The following AKT3 variants were observed in gnomAD, a reference collection of about 807,000 sequenced individuals.
AKT3 encodes AKT serine/threonine kinase 3, also known as RAC-gamma serine/threonine-protein kinase.
In AKT3, 15 loss-of-function variants were observed where a neutral mutation model predicts 65.3. That is an observed-to-expected ratio of 0.23 (90% CI 0.15 to 0.35). The LOEUF is 0.35. Ranked by LOEUF, AKT3 falls within the 10% of genes least tolerant of loss-of-function variation. The pLI is 1.00. For missense variants in AKT3, 243 were observed against 576.5 expected (o/e 0.42, Z 5.92); for synonymous variants, 206 against 183.8 (o/e 1.12, Z -0.98).
chr1:243,535,184 T>TATATTTAAAATTTTAAAAC (rs1368600036), intron 12 of AKT3, among the ~76,000 whole-genome samples: 1 of 148,124 alleles, frequency 6.8e-6, no homozygotes, highest in Non-Finnish European at 1.5e-5. Flanking sequence ...AATTTTAAAA[T>TATATTTAAAATTTTAAAAC]AATTTTAAAA....
At position 243,750,408 on chromosome 1, in the gene AKT3, T is replaced by TACACAC. The variant is rs56210876; in HGVS notation, c.47-54698_47-54693dup. On this transcript the variant is annotated intron_variant, in intron 2 of 13. Transcript: ENST00000673466. ...CTCCCCTCTCACATGCATGCACGTA[T>TACACAC]ACACACACACACACACACACACACA... 1.4e-3 allele frequency among the ~76,000 whole-genome samples: 216 copies of TACACAC among 149,396 alleles called. 1 individual carries two copies. The highest frequency in any genetic ancestry group is 4.9e-3 in the African/African-American group (199 of 40,450).
chr1:243,822,825 A>T (rs1693941521), intron 2 of AKT3, among the ~76,000 whole-genome samples: 1 of 152,200 alleles, frequency 6.6e-6, no homozygotes, highest in South Asian at 2.1e-4. Context: ...GACCAGATGG[A>T]TTTACAGCTG....
intron 2 of AKT3, among the ~76,000 whole-genome samples, chr1:243,763,295 C>T (rs531950714): frequency 1.3e-5 from 2 of 152,054 alleles, no homozygotes; most frequent in Admixed American, 6.6e-5. Context: ...AGTAATTTTC[C>T]AATTGGTAAG....
Position 243,695,652 on chromosome 1 carries a change from T to G in AKT3, c.111A>C (p.Gly37=). 3.7e-6 allele frequency: 6 copies of G among 1,608,844 alleles called. No individual in the cohort carries two copies. Among genetic ancestry groups the G allele is most frequent in the Admixed American group, 3.3e-5 (2 of 59,786 alleles). Residue 37 remains glycine, a synonymous_variant, in exon 3 of 14, where the codon GGA becomes GGC. Transcript: ENST00000673466. ...FLLKTDGSFI[G]YKEKPQDVDL... ...CCACATCTTGAGGTTTCTCTTTATA[T>G]CCTATGAATGAGCCATCTGTCTTCA...
chr1:243,585,827 C>G (rs1675760202), intron 8 of AKT3, among the ~76,000 whole-genome samples: 1 of 152,088 alleles, frequency 6.6e-6, no homozygotes, highest in East Asian at 1.9e-4. Context: ...GACATTGGCA[C>G]TGGAAAAAAT....
At chr1:243,634,518 G>GTC (rs1181303419) in intron 6 of AKT3, among the ~76,000 whole-genome samples, 3 of 151,806 alleles carry the variant, frequency 2.0e-5, no homozygotes, top group Non-Finnish European at 4.4e-5. Context: ...GATGCATATG[G>GTC]TCTCTCTCTC....
At chr1:243,809,025 A>G (rs1252001481) in intron 2 of AKT3, among the ~76,000 whole-genome samples, 1 of 152,210 alleles carries the variant, frequency 6.6e-6, no homozygotes, top group African/African-American at 2.4e-5. Context: ...AGAGCTCCTG[A>G]AGGAGGCGCT....
chr1:243,728,652 T>C (rs1271588894), intron 2 of AKT3, among the ~76,000 whole-genome samples: 3 of 152,188 alleles, frequency 2.0e-5, no homozygotes, highest in Non-Finnish European at 2.9e-5. Flanking sequence ...TGTCAGTTCT[T>C]CACGATTTCA....
intron 12 of AKT3, among the ~76,000 whole-genome samples, chr1:243,543,422 A>C (rs1194798476): frequency 6.7e-6 from 1 of 150,146 alleles, no homozygotes; most frequent in Non-Finnish European, 1.5e-5. Flanking sequence ...TGGTACCTCA[A>C]CCATTGTCTC....
intron 2 of AKT3, among the ~76,000 whole-genome samples, chr1:243,720,541 T>A (rs1294038669): frequency 6.6e-6 from 1 of 151,642 alleles, no homozygotes; most frequent in Non-Finnish European, 1.5e-5. Flanking sequence ...CTACATAGAG[T>A]TCTATGATTT....
chr1:243,610,795 T>C (rs1356505867), intron 8 of AKT3, among the ~76,000 whole-genome samples: 1 of 152,248 alleles, frequency 6.6e-6, no homozygotes, highest in Non-Finnish European at 1.5e-5. Context: ...TACGGTCTAA[T>C]TTTATTTTAA....
At chr1:243,781,272 G>A (rs898529590) in intron 2 of AKT3, among the ~76,000 whole-genome samples, 2 of 151,974 alleles carry the variant, frequency 1.3e-5, no homozygotes, top group East Asian at 1.9e-4. Context: ...TCCATAGTAC[G>A]AATGAATGCA....
intron 8 of AKT3, among the ~76,000 whole-genome samples, chr1:243,609,323 C>T (rs1558650612): frequency 8.0e-6 from 1 of 124,734 alleles, no homozygotes; most frequent in African/African-American, 3.0e-5. Flanking sequence ...ATATAAATAA[C>T]TTTTCATTTT....
intron 11 of AKT3, among the ~76,000 whole-genome samples, chr1:243,549,952 C>T (rs1672932626): frequency 6.6e-6 from 1 of 152,132 alleles, no homozygotes; most frequent in South Asian, 2.1e-4. Flanking sequence ...CAGTGTTACC[C>T]AACTCATATT....
chr1:243,816,477 C>A (rs1693529429), intron 2 of AKT3, among the ~76,000 whole-genome samples: 1 of 152,086 alleles, frequency 6.6e-6, no homozygotes, highest in African/African-American at 2.4e-5. Context: ...TCTGACACTA[C>A]CTTTAGTTCT....
At chr1:243,579,299 C>A (rs544067521) in intron 8 of AKT3, among the ~76,000 whole-genome samples, 1 of 151,960 alleles carries the variant, frequency 6.6e-6, no homozygotes, top group Admixed American at 6.6e-5. Flanking sequence ...ATTGTTAAGA[C>A]TGAGAAAGCA....
chr1:243,595,087 A>G (rs140818501), intron 8 of AKT3, among the ~76,000 whole-genome samples: 107 of 152,328 alleles, frequency 7.0e-4, no homozygotes, highest in African/African-American at 2.4e-3. Context: ...GAAATGTGCA[A>G]TTAGACAATT....
At chr1:243,675,973 A>G (rs911047613) in intron 3 of AKT3, among the ~76,000 whole-genome samples, 5 of 152,212 alleles carry the variant, frequency 3.3e-5, no homozygotes, top group Non-Finnish European at 7.3e-5. Flanking sequence ...TACCCACAGT[A>G]TATCAGCCAG....
chr1:243,675,217 T>C (rs544659308), intron 3 of AKT3, among the ~76,000 whole-genome samples: 1 of 152,366 alleles, frequency 6.6e-6, no homozygotes, highest in Non-Finnish European at 1.5e-5. Flanking sequence ...ACTTTTTTTT[T>C]GAGATGGAGC....
Sources: allele counts gnomAD v4.1 joint callset (sites outside exome capture counted in the v4.1 genomes callset), GRCh38; gene constraint gnomAD v4.1.1; transcripts MANE v1.5; gene names NCBI Gene and HGNC (gene_info 2026-07-23, HGNC 2026-07-21).